Variants in NRXN3 observed in about 807,000 individuals in gnomAD.
The protein encoded by NRXN3 is neurexin III.
In NRXN3, 32 loss-of-function variants were observed where a neutral mutation model predicts 137.6. The ratio of observed to expected loss-of-function variants is 0.23; its 90% CI spans 0.18 to 0.31. NRXN3 has a LOEUF of 0.31. Ranked by LOEUF, NRXN3 falls within the 10% of genes least tolerant of loss-of-function variation. NRXN3 has a pLI of 1.00. For synonymous variants in NRXN3, 798 were observed against 784.5 expected (o/e 1.02, Z -0.29); for missense variants, 1,574 against 2,062.5 (o/e 0.76, Z 4.59).
chr14:79,236,356 T>A (rs1020543533), intron 15 of NRXN3, among the ~76,000 whole-genome samples: 44 of 152,132 alleles, frequency 2.9e-4, no homozygotes, highest in African/African-American at 9.9e-4. Flanking sequence ...TATGTACATA[T>A]GTTCACATAC....
At chr14:78,690,526 A>T (rs890731214) in intron 6 of NRXN3, among the ~76,000 whole-genome samples, 1 of 152,234 alleles carries the variant, frequency 6.6e-6, no homozygotes, top group Non-Finnish European at 1.5e-5. Flanking sequence ...TTAAGGTCAG[A>T]GACCATGTCC....
chr14:78,359,844 G>T (rs2084862709), intron 4 of NRXN3, among the ~76,000 whole-genome samples: 1 of 152,164 alleles, frequency 6.6e-6, no homozygotes, highest in Admixed American at 6.5e-5. Flanking sequence ...TTCCGTGGAG[G>T]TGTTGGCAGG....
chr14:78,222,474 C>T (rs906298997), intron 1 of NRXN3, among the ~76,000 whole-genome samples: 1 of 152,212 alleles, frequency 6.6e-6, no homozygotes, highest in Admixed American at 6.5e-5. Context: ...GGTGCTTCTC[C>T]CTTCCGGACT....
At chr14:78,629,971 C>T (rs2152528958) in intron 4 of NRXN3, among the ~76,000 whole-genome samples, 1 of 152,294 alleles carries the variant, frequency 6.6e-6, no homozygotes, top group East Asian at 1.9e-4. Context: ...TAACTCGATG[C>T]CCTTTATTTG....
intron 15 of NRXN3, among the ~76,000 whole-genome samples, chr14:79,359,975 C>T (rs557229294): frequency 1.3e-5 from 2 of 152,092 alleles, no homozygotes; most frequent in East Asian, 3.9e-4. Flanking sequence ...CTACCTAAAA[C>T]GAAAATACTT....
chr14:79,176,407 C>G (rs946975647), intron 15 of NRXN3, among the ~76,000 whole-genome samples: 3 of 152,162 alleles, frequency 2.0e-5, no homozygotes, highest in African/African-American at 7.2e-5. Flanking sequence ...AGTTTTCCCA[C>G]AGAAAACCTC....
intron 15 of NRXN3, among the ~76,000 whole-genome samples, chr14:79,232,148 A>C (rs755028557): frequency 1.3e-5 from 2 of 152,114 alleles, no homozygotes; most frequent in African/African-American, 4.8e-5. Context: ...TAGAATCTGG[A>C]TTTGATCCTG....
chr14:78,416,817 C>G (rs926535053), intron 4 of NRXN3, among the ~76,000 whole-genome samples: 1 of 152,138 alleles, frequency 6.6e-6, no homozygotes, highest in African/African-American at 2.4e-5. Context: ...TAGATTAGCT[C>G]AATTCAGAGA....
At chr14:78,393,987 T>G (rs1372032992) in intron 4 of NRXN3, among the ~76,000 whole-genome samples, 1 of 152,020 alleles carries the variant, frequency 6.6e-6, no homozygotes, top group African/African-American at 2.4e-5. Context: ...GTTCTATGTG[T>G]GTGTGTGTAT....
chr14:79,337,778 G>T (rs1406817324), intron 15 of NRXN3, among the ~76,000 whole-genome samples: 1 of 152,160 alleles, frequency 6.6e-6, no homozygotes, highest in Admixed American at 6.5e-5. Flanking sequence ...CTGTCCTAAA[G>T]AATGGATCTC....
At chr14:78,393,679 T>G (rs768869792) in intron 4 of NRXN3, among the ~76,000 whole-genome samples, 2 of 152,044 alleles carry the variant, frequency 1.3e-5, no homozygotes, top group Non-Finnish European at 2.9e-5. Flanking sequence ...ACGGAAATTG[T>G]GTTAAATCTG....
chr14:78,289,655 C>T (rs961616865), intron 3 of NRXN3, among the ~76,000 whole-genome samples: 1 of 151,988 alleles, frequency 6.6e-6, no homozygotes, highest in Non-Finnish European at 1.5e-5. Flanking sequence ...GTGGCTCACA[C>T]CTGTAATCCC....
intron 16 of NRXN3, among the ~76,000 whole-genome samples, chr14:79,638,067 C>A (rs185597142): frequency 1.2e-3 from 186 of 152,094 alleles, no homozygotes; most frequent in Non-Finnish European, 2.4e-3. Flanking sequence ...GCCCATACCT[C>A]TATACTAGTT....
At chr14:79,709,028 T>A (rs2154048252) in intron 19 of NRXN3, among the ~76,000 whole-genome samples, 1 of 152,140 alleles carries the variant, frequency 6.6e-6, no homozygotes, top group South Asian at 2.1e-4. Flanking sequence ...TGCTCGTGTT[T>A]GCTTGCACTA....
chr14:79,857,997 A>G (rs1456684485), intron 20 of NRXN3, among the ~76,000 whole-genome samples: 1 of 152,212 alleles, frequency 6.6e-6, no homozygotes, highest in Non-Finnish European at 1.5e-5. Flanking sequence ...TTTGTTTTCT[A>G]AACTCTGAGA....
chr14:79,535,528 A>G (rs534140153), intron 16 of NRXN3, among the ~76,000 whole-genome samples: 2 of 152,146 alleles, frequency 1.3e-5, no homozygotes, highest in South Asian at 4.2e-4. Flanking sequence ...CCTCTCTCCA[A>G]TTGGTATAGG....
chr14:78,621,669 T>C (rs1016172033), intron 4 of NRXN3, among the ~76,000 whole-genome samples: 4 of 152,218 alleles, frequency 2.6e-5, no homozygotes, highest in Non-Finnish European at 4.4e-5. Flanking sequence ...TGTAATTTTT[T>C]CCCATTAAAT....
intron 4 of NRXN3, among the ~76,000 whole-genome samples, chr14:78,474,453 A>G (rs1162536502): frequency 6.6e-6 from 1 of 152,008 alleles, no homozygotes; most frequent in East Asian, 1.9e-4. Context: ...CCAGCTTTCT[A>G]CTCTTAGGGA....
At chr14:79,710,368 A>ATC (rs1275638607) in intron 19 of NRXN3, among the ~76,000 whole-genome samples, 1 of 152,206 alleles carries the variant, frequency 6.6e-6, no homozygotes, top group Admixed American at 6.5e-5. Flanking sequence ...AATAATAAAA[A>ATC]TCTATTTATG....
Sources: allele counts gnomAD v4.1 joint callset (sites outside exome capture counted in the v4.1 genomes callset), GRCh38; gene constraint gnomAD v4.1.1; transcripts MANE v1.5; gene names NCBI Gene and HGNC (gene_info 2026-07-23, HGNC 2026-07-21).